The following DDX10 variants were observed in gnomAD, a reference collection of about 807,000 sequenced individuals.
DDX10 encodes the protein probable ATP-dependent RNA helicase DDX10.
Under a neutral mutation model 104.3 loss-of-function variants are expected in DDX10, and 74 were observed. The ratio of observed to expected loss-of-function variants is 0.71; its 90% confidence interval spans 0.59 to 0.86. The LOEUF (loss-of-function observed/expected upper bound fraction) is 0.86, where lower values mean the gene tolerates loss of function less well. DDX10 is among the 40% of genes least tolerant of loss of function. The pLI is 0.00. For missense variants in DDX10, 952 were observed against 1,040.0 expected (o/e 0.92, Z 1.16); for synonymous variants, 351 against 353.4 (o/e 0.99, Z 0.08).
intron 17 of DDX10, among the ~76,000 whole-genome samples, chr11:108,923,553 G>A (rs1005325386): frequency 6.6e-6 from 1 of 152,164 alleles, no homozygotes; most frequent in South Asian, 2.1e-4. Flanking sequence ...AAATGTTTTA[G>A]TGCCTGTCAT....
Position 108,738,947 on chromosome 11 carries a change from C to T in DDX10, c.1965+15485C>T, listed in dbSNP as rs188417870. Among the ~76,000 whole-genome samples the T allele has an allele frequency of 1.2e-4, 18 of 152,202 alleles. No individual in the cohort carries two copies. In the East Asian group the frequency reaches 3.1e-3, roughly 26 times the overall value. ...TGCTGTCCACAGAGTGGGTTTGTGT[C>T]CTAGGTGTAAAAGCTCAAGCTTAGG... On this transcript the variant is annotated intron_variant, in intron 13 of 17. Coordinates refer to ENST00000322536, the MANE Select transcript of DDX10 (RefSeq NM_004398.4).
intron 13 of DDX10, among the ~76,000 whole-genome samples, chr11:108,780,956 T>C (rs989944189): frequency 2.6e-5 from 4 of 152,210 alleles, no homozygotes; most frequent in African/African-American, 9.6e-5. Context: ...TCAGCTTTTA[T>C]TTTAGATACA....
At position 108,732,879 on chromosome 11, in the gene DDX10, C is replaced by T. The variant is rs4754353; in HGVS notation, c.1965+9417C>T. Among the ~76,000 whole-genome samples, 770 of 152,292 alleles carry T rather than the reference C, an allele frequency of 5.1e-3. 3 individuals carry two copies. Among genetic ancestry groups the T allele is most frequent in the Middle Eastern group, 0.02 (6 of 294 alleles). ...AAATTTATTTTTGGAACACTTATTT[C>T]CTTAAATGTGAGAATGAAATCTCTA... On this transcript the variant is annotated intron_variant, in intron 13 of 17. Coordinates refer to ENST00000322536, the MANE Select transcript of DDX10 (RefSeq NM_004398.4).
intron 13 of DDX10, among the ~76,000 whole-genome samples, chr11:108,787,541 T>A (rs1396368706): frequency 6.6e-6 from 1 of 152,140 alleles, no homozygotes; most frequent in Non-Finnish European, 1.5e-5. Flanking sequence ...TTTTTTAATT[T>A]TTAATTCTTT....
At chr11:108,684,176 C>CTTTTTTTTTTTTTTTTTTTTTTTTTT (rs55949043) in intron 6 of DDX10, among the ~76,000 whole-genome samples, 2 of 26,672 alleles carry the variant, frequency 7.5e-5, no homozygotes, top group Admixed American at 6.9e-4. Flanking sequence ...TATAGATTTT[C>CTTTTTTTTTTTTTTTTTTTTTTTTTT]TTTTTTTTTT....
rs762717298 is a variant in DDX10 at position 108,723,126 on chromosome 11, C to CGAAGTGGAA, written c.1633_1641dup (p.Val545_Glu547dup). On this transcript the variant is annotated inframe_insertion, in exon 13 of 18. Transcript: ENST00000322536. ...CAAGGGCTCCCTCCCTCACCAATGA[C>CGAAGTGGAA]GAAGTGGAAGAATTTAGAGCCTACT... 13 of 1,613,702 alleles carry CGAAGTGGAA rather than the reference C, an allele frequency of 8.1e-6. No individual in the cohort carries two copies. The highest frequency in any genetic ancestry group is 1.3e-5 in the African/African-American group (1 of 74,900).
intron 1 of DDX10, among the ~76,000 whole-genome samples, chr11:108,669,624 T>G (rs1360522583): frequency 3.3e-5 from 5 of 152,160 alleles, no homozygotes; most frequent in Admixed American, 3.3e-4. Context: ...AATGGCTTCT[T>G]AAAGTGTCCA....
chr11:108,721,671 C>T (rs1203898225), intron 12 of DDX10, among the ~76,000 whole-genome samples: 1 of 151,992 alleles, frequency 6.6e-6, no homozygotes, highest in Non-Finnish European at 1.5e-5. Flanking sequence ...ATGTTGTTTC[C>T]TTGAGGTATG....
At chr11:108,888,781 G>A (rs556196080) in intron 16 of DDX10, among the ~76,000 whole-genome samples, 15 of 141,940 alleles carry the variant, frequency 1.1e-4, no homozygotes, top group South Asian at 4.7e-4. Context: ...AAATTCTATC[G>A]TTTAAAAAAA....
intron 13 of DDX10, among the ~76,000 whole-genome samples, chr11:108,738,892 A>G (rs955859190): frequency 1.3e-5 from 2 of 152,144 alleles, no homozygotes; most frequent in African/African-American, 4.8e-5. Flanking sequence ...CAAGTCCCAC[A>G]GGGGCCACAT....
intron 1 of DDX10, among the ~76,000 whole-genome samples, chr11:108,668,733 C>G (rs953959361): frequency 6.6e-6 from 1 of 152,088 alleles, no homozygotes. Context: ...AAAAAAAATA[C>G]GTGCCCAAGT....
At chr11:108,896,326 A>AT (rs1455903291) in intron 16 of DDX10, among the ~76,000 whole-genome samples, 3 of 148,870 alleles carry the variant, frequency 2.0e-5, no homozygotes, top group East Asian at 2.0e-4. Context: ...AGAACTGGTG[A>AT]TTTTTTTAAA....
intron 16 of DDX10, among the ~76,000 whole-genome samples, chr11:108,912,697 C>T (rs1187847267): frequency 2.0e-5 from 3 of 152,192 alleles, no homozygotes; most frequent in Non-Finnish European, 4.4e-5. Flanking sequence ...ACCCTCCTCA[C>T]AATTTGCCCA....
At chr11:108,698,032 A>G (rs2094262330) in intron 9 of DDX10, among the ~76,000 whole-genome samples, 2 of 152,340 alleles carry the variant, frequency 1.3e-5, no homozygotes, top group East Asian at 1.9e-4. Context: ...ATTCTGTAAC[A>G]TAAGGAGCAG....
chr11:108,863,328 A>G (rs1862964580), intron 16 of DDX10, among the ~76,000 whole-genome samples: 1 of 152,196 alleles, frequency 6.6e-6, no homozygotes. Context: ...GAAATGGTAT[A>G]TACGTGATCT....
chr11:108,805,669 TCTTTTTGGATCA>T (rs1862088266), intron 13 of DDX10, among the ~76,000 whole-genome samples: 1 of 152,186 alleles, frequency 6.6e-6, no homozygotes, highest in Non-Finnish European at 1.5e-5. Context: ...AGAGGAGTGA[TCTTTTTGGATCA>T]CTTTTTGGAT....
Position 108,917,852 on chromosome 11 carries a change from TC to T in DDX10, c.2305-18del. On this transcript the variant is annotated intron_variant, in intron 16 of 17. Coordinates refer to ENST00000322536, the MANE Select transcript of DDX10 (RefSeq NM_004398.4). ...TCAACTGACTTCTTCAACTGCAGTT[TC>T]CCTTATTATTATTTTTTAGGCCAAA... The T allele has an allele frequency of 6.2e-7, 1 of 1,606,206 alleles. No individual in the cohort carries two copies. The highest frequency in any genetic ancestry group is 1.1e-5 in the South Asian group (1 of 89,374).
At chr11:108,935,904 AC>A (rs1374540950) in intron 17 of DDX10, among the ~76,000 whole-genome samples, 1 of 152,204 alleles carries the variant, frequency 6.6e-6, no homozygotes, top group African/African-American at 2.4e-5. Flanking sequence ...TTAATATTTC[AC>A]ATTTGTTTCA....
intron 13 of DDX10, among the ~76,000 whole-genome samples, chr11:108,727,148 G>T (rs1314995975): frequency 1.3e-5 from 2 of 152,014 alleles, no homozygotes; most frequent in Non-Finnish European, 2.9e-5. Flanking sequence ...TTTTTGCGAT[G>T]ACTTGACTGG....
Sources: gnomAD v4.1 joint callset for allele counts (sites outside exome capture counted in the v4.1 genomes callset) on GRCh38, gnomAD v4.1.1 for gene constraint, MANE v1.5 for transcripts, NCBI Gene and HGNC (gene_info 2026-07-23, HGNC 2026-07-21) for gene names.